The following TENM2 variants were observed in gnomAD, a reference collection of about 807,000 sequenced individuals.
TENM2 encodes teneurin-2.
In TENM2, 52 loss-of-function variants were observed where a neutral mutation model predicts 245.2. The observed-to-expected ratio is 0.21, with a 90% CI of 0.17 to 0.27. The LOEUF (loss-of-function observed/expected upper bound fraction) is 0.27, where lower values mean the gene tolerates loss of function less well. Ranked by LOEUF, TENM2 falls within the 10% of genes least tolerant of loss-of-function variation. The pLI is 1.00. For synonymous variants in TENM2, 1,363 were observed against 1,438.9 expected (o/e 0.95, Z 1.19); for missense variants, 3,046 against 3,666.8 (o/e 0.83, Z 4.37).
the TENM2 span, among the ~76,000 whole-genome samples, chr5:167,122,776 C>T: frequency 6.6e-6 from 1 of 152,122 alleles, no homozygotes; most frequent in African/African-American, 2.4e-5. Context: ...TTTCTAGAGG[C>T]AGCTTTCATC....
Position 167,375,438 on chromosome 5 carries a change from ACT to A in TENM2, c.470_471del (p.Ser157Ter). 1.3e-6 allele frequency: 2 copies of A among 1,551,680 alleles called. No individual in the cohort carries two copies. The highest frequency in any genetic ancestry group is 1.7e-6 in the Non-Finnish European group (2 of 1,146,984). ...GAAAACTCGGCCCTTACCCTGACTG[ACT>A]CTGACAACGAAAACAAATCAGATGA... On this transcript the variant is annotated frameshift_variant, in exon 2 of 29. Transcript: ENST00000518659. LOFTEE classifies it high-confidence loss of function.
chr5:167,666,683 T>C (rs1329421469), intron 2 of TENM2, among the ~76,000 whole-genome samples: 1 of 152,210 alleles, frequency 6.6e-6, no homozygotes, highest in Non-Finnish European at 1.5e-5. Flanking sequence ...TGTAAGCCTA[T>C]GCTAGGTTTC....
At position 167,352,104 on chromosome 5, in the gene TENM2, A is replaced by G. The variant is rs150743412; in HGVS notation, c.227-23094A>G. On this transcript the variant is annotated intron_variant, in intron 1 of 28. Transcript: ENST00000518659. ...TGCTATCATTTATCAATAGGTAAATATCACATAAAATCTAGATTTTAGGCT... is the reference window on the plus strand; with the variant it reads ...TGCTATCATTTATCAATAGGTAAATGTCACATAAAATCTAGATTTTAGGCT... Among the ~76,000 whole-genome samples, 6 of 152,332 alleles carry G rather than the reference A, an allele frequency of 3.9e-5. No individual in the cohort carries two copies. The East Asian group carries it at 9.6e-4, about 24-fold the overall frequency.
chr5:167,808,795 A>G (rs924148397), intron 2 of TENM2, among the ~76,000 whole-genome samples: 1 of 152,304 alleles, frequency 6.6e-6, no homozygotes, highest in African/African-American at 2.4e-5. Context: ...GTCATTAAAT[A>G]CATTTGTTCC....
intron 7 of TENM2, among the ~76,000 whole-genome samples, chr5:168,075,523 C>T (rs1014206764): frequency 9.9e-5 from 15 of 152,268 alleles, no homozygotes; most frequent in African/African-American, 2.9e-4. Context: ...CCCCTGTGCC[C>T]CACACCAACC....
At chr5:168,260,386 A>G in exon 28 of TENM2, 1 of 1,613,960 alleles carries the variant, frequency 6.2e-7, no homozygotes, top group South Asian at 1.1e-5. Context: ...ATGAATTGTC[A>G]GAGAGTCAAG....
chr5:167,666,770 T>G (rs1247504431), intron 2 of TENM2, among the ~76,000 whole-genome samples: 1 of 152,228 alleles, frequency 6.6e-6, no homozygotes, highest in Non-Finnish European at 1.5e-5. Flanking sequence ...TTATATAAAT[T>G]CAGTCCAAAT....
At chr5:167,973,420 C>G (rs562064643) in intron 4 of TENM2, among the ~76,000 whole-genome samples, 1 of 152,318 alleles carries the variant, frequency 6.6e-6, no homozygotes, top group South Asian at 2.1e-4. Flanking sequence ...GCCCAACACG[C>G]AGCTGAGCAC....
intron 1 of TENM2, among the ~76,000 whole-genome samples, chr5:167,305,258 C>T (rs1472043410): frequency 6.6e-6 from 1 of 152,158 alleles, no homozygotes; most frequent in African/African-American, 2.4e-5. Flanking sequence ...TGCAGCTTTG[C>T]CGTCTGGACA....
chr5:168,167,552 G>A (rs1434264007), intron 13 of TENM2, among the ~76,000 whole-genome samples: 1 of 152,190 alleles, frequency 6.6e-6, no homozygotes, highest in African/African-American at 2.4e-5. Context: ...CCTGGAGGTA[G>A]GGTAGGAGGA....
chr5:166,999,385 A>G, the TENM2 span, among the ~76,000 whole-genome samples: 1 of 152,234 alleles, frequency 6.6e-6, no homozygotes, highest in Non-Finnish European at 1.5e-5. Flanking sequence ...TTTAGGGGAC[A>G]AATACCAGAA....
the TENM2 span, among the ~76,000 whole-genome samples, chr5:167,087,279 T>G: frequency 6.6e-6 from 1 of 152,296 alleles, no homozygotes; most frequent in African/African-American, 2.4e-5. Context: ...GCATGGCCTT[T>G]CCTTCTGTGC....
At chr5:168,214,796 C>CA (rs1763048371) in intron 20 of TENM2, 1 of 596,708 alleles carries the variant, frequency 1.7e-6, no homozygotes, top group Admixed American at 2.1e-5. Context: ...AATGAAGCAA[C>CA]AGTTGTTTAG....
chr5:166,990,337 C>T, the TENM2 span, among the ~76,000 whole-genome samples: 9 of 152,206 alleles, frequency 5.9e-5, no homozygotes, highest in East Asian at 1.9e-4. Context: ...CTGTCTCCCA[C>T]GGATTTTGAG....
the TENM2 span, among the ~76,000 whole-genome samples, chr5:167,143,826 T>G: frequency 6.6e-6 from 1 of 152,214 alleles, no homozygotes; most frequent in South Asian, 2.1e-4. Flanking sequence ...CACATATATA[T>G]GCAACACTTC....
At chr5:167,899,332 A>G (rs541073273) in intron 3 of TENM2, among the ~76,000 whole-genome samples, 1 of 152,216 alleles carries the variant, frequency 6.6e-6, no homozygotes, top group African/African-American at 2.4e-5. Flanking sequence ...ATTGCCAGCA[A>G]TACCAAACGC....
At chr5:167,073,933 C>T in the TENM2 span, among the ~76,000 whole-genome samples, 1 of 152,216 alleles carries the variant, frequency 6.6e-6, no homozygotes, top group African/African-American at 2.4e-5. Flanking sequence ...TCGACGTCAT[C>T]TGGCCCCCTA....
At chr5:168,009,396 G>A (rs1031992816) in intron 5 of TENM2, among the ~76,000 whole-genome samples, 3 of 152,212 alleles carry the variant, frequency 2.0e-5, no homozygotes, top group African/African-American at 7.2e-5. Flanking sequence ...ATCTGCAAAT[G>A]AGGCTGACTT....
chr5:167,235,526 T>C, the TENM2 span, among the ~76,000 whole-genome samples: 2 of 152,108 alleles, frequency 1.3e-5, no homozygotes, highest in Non-Finnish European at 2.9e-5. Context: ...TTAGGGTAAA[T>C]TATCACATCT....
Sources: gnomAD v4.1 joint callset for allele counts (sites outside exome capture counted in the v4.1 genomes callset) on GRCh38, gnomAD v4.1.1 for gene constraint, MANE v1.5 for transcripts, NCBI Gene and HGNC (gene_info 2026-07-23, HGNC 2026-07-21) for gene names.